Variants in GCA observed in about 807,000 individuals in gnomAD.
GCA encodes grancalcin.
In GCA, 30 loss-of-function variants were observed where a neutral mutation model predicts 32.6. The ratio of observed to expected loss-of-function variants is 0.92; its 90% CI spans 0.69 to 1.25. The LOEUF (loss-of-function observed/expected upper bound fraction) is 1.25, where lower values mean the gene tolerates loss of function less well. GCA is among the 50% of genes most tolerant of loss of function. The probability of loss-of-function intolerance (pLI) is 0.00; values close to 1 mark genes in which losing one functional copy is unlikely to be tolerated. For synonymous variants in GCA, 102 were observed against 84.6 expected (o/e 1.21, Z -1.13); for missense variants, 291 against 266.8 (o/e 1.09, Z -0.63).
chr2:162,332,351 T>C, intron 1 of GCA, among the ~76,000 whole-genome samples: 1 of 146,118 alleles, frequency 6.8e-6, no homozygotes, highest in Middle Eastern at 3.6e-3. Context: ...TATATAATAT[T>C]ATTTATATAT....
At position 162,323,889 on chromosome 2, in the gene GCA, C is replaced by T. The variant is rs893914876; in HGVS notation, c.-31+4664C>T. On this transcript the variant is annotated intron_variant, in intron 1 of 4. Transcript: ENST00000429691. ...TTGGCTTAGGATTGACTTGGCGATG[C>T]GGGCTCTTTTTTGGTTCCATATGAA... 1.4e-3 allele frequency among the ~76,000 whole-genome samples: 213 copies of T among 150,112 alleles called. 1 individual carries two copies. The highest frequency in any genetic ancestry group is 6.8e-3 in the Middle Eastern group (2 of 294).
rs185262532 is a variant in GCA at position 162,346,573 on chromosome 2, C to T, written c.28-1005C>T. 23 of 152,330 alleles carry T rather than the reference C, an allele frequency of 1.5e-4. No homozygotes were observed. In the East Asian group the frequency reaches 4.2e-3, roughly 28 times the overall value. 9.4% of individuals were successfully genotyped at this position (152,330 alleles called of 1,614,324 possible). ...AAGAGGACTGGCAGCTTCTCTTTCTCTCTCTTAGAAGCTGACTGCCAAGCT... is the reference window on the plus strand; with the variant it reads ...AAGAGGACTGGCAGCTTCTCTTTCTTTCTCTTAGAAGCTGACTGCCAAGCT... On this transcript the variant is annotated intron_variant, in intron 1 of 7. Coordinates refer to ENST00000437150, the MANE Select transcript of GCA (RefSeq NM_012198.5).
At chr2:162,354,746 C>A (rs1160614845) in intron 3 of GCA, among the ~76,000 whole-genome samples, 2 of 152,150 alleles carry the variant, frequency 1.3e-5, no homozygotes, top group African/African-American at 2.4e-5. Context: ...TCCATCAGCT[C>A]TTCAACTTGC....
upstream of GCA, chr2:162,344,128 G>C: frequency 9.8e-7 from 1 of 1,017,284 alleles, no homozygotes; most frequent in South Asian, 1.4e-5. Context: ...TGAACTGTGC[G>C]GTTAGTGCGC....
intron 7 of GCA, among the ~76,000 whole-genome samples, 158 bp from the exon 8 acceptor site, chr2:162,360,059 G>T (rs910989050): frequency 3.3e-5 from 5 of 151,266 alleles, no homozygotes; most frequent in Non-Finnish European, 7.4e-5. Flanking sequence ...ACTGATGGAA[G>T]TTATGGGGTC....
chr2:162,351,372 A>G (rs946867186), intron 2 of GCA, among the ~76,000 whole-genome samples: 4 of 152,216 alleles, frequency 2.6e-5, no homozygotes, highest in African/African-American at 9.6e-5. Flanking sequence ...AACGAAGGGC[A>G]ATTGATTTTT....
At position 162,361,915 on chromosome 2, in the gene GCA, G is replaced by A. The variant is rs1296796120; in HGVS notation, c.*1672G>A. On this transcript the variant is annotated 3_prime_UTR_variant, in exon 8 of 8. Transcript: ENST00000437150. ...TAACATCCAGGTTATACAGATGGTC[G>A]TTACTGAACTATTCTGCGGTCGATT... 10 of 984,408 alleles carry A rather than the reference G, an allele frequency of 1.0e-5. No individual in the cohort carries two copies. Among genetic ancestry groups the A allele is most frequent in the South Asian group, 4.7e-5 (1 of 21,286 alleles). The allele number at this position is 984,408 out of a possible 1,614,324, so 61.0% of individuals were successfully genotyped here.
chr2:162,342,128 C>T (rs1684473421), upstream of GCA, among the ~76,000 whole-genome samples: 1 of 152,026 alleles, frequency 6.6e-6, no homozygotes, highest in South Asian at 2.1e-4. Flanking sequence ...TTAAAAAAAA[C>T]TCTATGGCCT....
At chr2:162,373,440 C>G, downstream of GCA, 1 of 1,424,392 alleles carries the variant, frequency 7.0e-7, no homozygotes, top group Non-Finnish European at 9.3e-7. Flanking sequence ...CTGTGAGAGA[C>G]ACTCTTGGTT....
At chr2:162,355,754 C>T (rs1302312500) in intron 3 of GCA, among the ~76,000 whole-genome samples, 1 of 151,686 alleles carries the variant, frequency 6.6e-6, no homozygotes, top group Non-Finnish European at 1.5e-5. Flanking sequence ...CTCCCCCCAA[C>T]CCCCGAGAAA....
intron 3 of GCA, among the ~76,000 whole-genome samples, chr2:162,352,909 T>C (rs1469118787): frequency 2.6e-5 from 4 of 152,178 alleles, no homozygotes; most frequent in Admixed American, 2.6e-4. Context: ...AGCTGTATCT[T>C]ATGATAATGT....
chr2:162,344,329 C>CG, intron 1 of GCA, 54 bp downstream of exon 1: 3 of 1,574,534 alleles, frequency 1.9e-6, no homozygotes, highest in Non-Finnish European at 2.6e-6. Context: ...GTGGCGCCCC[C>CG]GGGGGCGGTG....
chr2:162,360,410 A>T lies in GCA; in HGVS notation c.*167A>T. On this transcript the variant is annotated 3_prime_UTR_variant, in exon 8 of 8. Transcript: ENST00000437150. ...AGCAGATAGTTCAAAGCAATAAAAG[A>T]TTTCTTTTTTAATTTGAGGTATTAC... 1 of 1,261,586 alleles carries T rather than the reference A, an allele frequency of 7.9e-7. No homozygotes were observed. The highest frequency in any genetic ancestry group is 1.0e-6 in the Non-Finnish European group (1 of 979,042). The allele number at this position is 1,261,586 out of a possible 1,614,324, so 78.1% of individuals were successfully genotyped here. A position where few individuals can be genotyped will look rare whatever the true frequency, so the allele number is the denominator to read the frequency against.
intron 7 of GCA, among the ~76,000 whole-genome samples, chr2:162,359,778 G>A (rs1685480328): frequency 6.6e-6 from 1 of 150,564 alleles, no homozygotes; most frequent in South Asian, 2.1e-4. Context: ...TTTATGACAG[G>A]TTTTTTGAAT....
In GCA at chr2:162,361,394, A is replaced by T. The variant is rs1685565135; in HGVS notation, c.*1151A>T. The T allele has an allele frequency of 1.0e-6, 1 of 978,470 alleles. No individual in the cohort carries two copies. The highest frequency in any genetic ancestry group is 6.2e-5 in the Admixed American group (1 of 16,138). 60.6% of individuals were successfully genotyped at this position (978,470 alleles called of 1,614,324 possible). ...ACACCTCATGTCTGTCTTAGTGAAGATTTAATAAACCACTTATTTTTCTTA... is the reference window on the plus strand; with the variant it reads ...ACACCTCATGTCTGTCTTAGTGAAGTTTTAATAAACCACTTATTTTTCTTA... On this transcript the variant is annotated 3_prime_UTR_variant, in exon 8 of 8. Transcript: ENST00000437150.
At chr2:162,322,416 T>TATTA (rs937740478) in intron 1 of GCA, among the ~76,000 whole-genome samples, 4 of 150,154 alleles carry the variant, frequency 2.7e-5, no homozygotes, top group African/African-American at 1.0e-4. Flanking sequence ...TTTATTTATT[T>TATTA]ATTATTATAC....
At chr2:162,346,116 T>A (rs1281604850) in intron 1 of GCA, among the ~76,000 whole-genome samples, 1 of 152,230 alleles carries the variant, frequency 6.6e-6, no homozygotes, top group African/African-American at 2.4e-5. Flanking sequence ...ACTTTTTTCT[T>A]TGTTTCTCAC....
At chr2:162,364,277 A>G (rs76237477), downstream of GCA, among the ~76,000 whole-genome samples, 703 of 151,672 alleles carry the variant, frequency 4.6e-3, 8 homozygotes, top group African/African-American at 0.016. Flanking sequence ...GAGTGCTAGT[A>G]TGAATATCCC....
chr2:162,359,181 G>C, intron 6 of GCA, 24 bp downstream of exon 6: 3 of 1,266,046 alleles, frequency 2.4e-6, no homozygotes, highest in Non-Finnish European at 3.5e-6. Flanking sequence ...AAAACTAAGT[G>C]CACAGTGTTA....
Sources: gnomAD v4.1 joint callset for allele counts (sites outside exome capture counted in the v4.1 genomes callset) on GRCh38, gnomAD v4.1.1 for gene constraint, MANE v1.5 for transcripts, NCBI Gene and HGNC (gene_info 2026-07-23, HGNC 2026-07-21) for gene names.